DOCK3: variants seen among roughly 807,000 people sequenced by gnomAD.
DOCK3 encodes the protein dedicator of cytokinesis protein 3.
DOCK3 carries 60 observed loss-of-function variants against 265.6 expected under a neutral mutation model. The ratio of observed to expected loss-of-function variants is 0.23; its 90% confidence interval spans 0.18 to 0.28. DOCK3 has a LOEUF of 0.28. Among genes scored for constraint, DOCK3 ranks in the 10% least tolerant of loss-of-function variants. The pLI is 1.00. For missense variants in DOCK3, 1,981 were observed against 2,594.3 expected (o/e 0.76, Z 5.14); for synonymous variants, 881 against 938.0 (o/e 0.94, Z 1.11).
intron 6 of DOCK3, among the ~76,000 whole-genome samples, chr3:51,072,489 A>G (rs1272269039): frequency 6.6e-6 from 1 of 151,992 alleles, no homozygotes; most frequent in African/African-American, 2.4e-5. Context: ...GCTCACTGCA[A>G]CCACCGCCTC....
At chr3:50,763,377 G>A (rs2040651919) in intron 1 of DOCK3, among the ~76,000 whole-genome samples, 1 of 152,074 alleles carries the variant, frequency 6.6e-6, no homozygotes, top group Non-Finnish European at 1.5e-5. Context: ...TGCTTCCCGG[G>A]TTCAAGTGGT....
chr3:50,716,190 T>C (rs2037095297), intron 1 of DOCK3, among the ~76,000 whole-genome samples: 1 of 152,052 alleles, frequency 6.6e-6, no homozygotes, highest in South Asian at 2.1e-4. Flanking sequence ...CTGTGTTCCT[T>C]GCTCTCTGCT....
intron 22 of DOCK3, among the ~76,000 whole-genome samples, chr3:51,248,691 C>T (rs1401679211): frequency 6.6e-6 from 1 of 151,842 alleles, no homozygotes. Context: ...GCCTGGCTGC[C>T]CAGTCTGGAA....
At chr3:51,264,829 A>AAAATAAATAAATAAATAAATAAATAAAT (rs71084138) in intron 23 of DOCK3, among the ~76,000 whole-genome samples, 19 of 142,254 alleles carry the variant, frequency 1.3e-4, no homozygotes, top group South Asian at 6.8e-4. Context: ...TCAGTCTCAA[A>AAAATAAATAAATAAATAAATAAATAAAT]AAATAAATAA....
chr3:51,202,083 A>C (rs1345676155), intron 12 of DOCK3, among the ~76,000 whole-genome samples: 1 of 151,642 alleles, frequency 6.6e-6, no homozygotes, highest in Non-Finnish European at 1.5e-5. Flanking sequence ...AAGATCCAAA[A>C]TTGACACCCT....
At chr3:50,755,116 G>A (rs1476870322) in intron 1 of DOCK3, among the ~76,000 whole-genome samples, 2 of 152,144 alleles carry the variant, frequency 1.3e-5, no homozygotes, top group Non-Finnish European at 2.9e-5. Flanking sequence ...TTGCAACAAC[G>A]TGATCACTGC....
At chr3:51,027,206 G>A (rs577970940) in intron 5 of DOCK3, among the ~76,000 whole-genome samples, 16 of 151,882 alleles carry the variant, frequency 1.1e-4, no homozygotes, top group Middle Eastern at 3.4e-3. Context: ...TGTTTTTTAC[G>A]CAAAAGTTGT....
intron 1 of DOCK3, among the ~76,000 whole-genome samples, chr3:50,734,625 T>C: frequency 1.0e-5 from 1 of 98,034 alleles, no homozygotes; most frequent in East Asian, 3.4e-4. Context: ...TTTTTTGAGA[T>C]GGAGTCTCAC....
At chr3:51,205,230 A>C (rs1015431275) in intron 12 of DOCK3, among the ~76,000 whole-genome samples, 1 of 152,044 alleles carries the variant, frequency 6.6e-6, no homozygotes, top group African/African-American at 2.4e-5. Flanking sequence ...CACATCTATC[A>C]CCACAGTATG....
chr3:50,912,765 T>C (rs1363986898), intron 4 of DOCK3, among the ~76,000 whole-genome samples: 1 of 152,028 alleles, frequency 6.6e-6, no homozygotes, highest in Non-Finnish European at 1.5e-5. Context: ...GCCAGACTAC[T>C]GTTGATGTTC....
At chr3:50,903,905 C>A (rs2049333051) in intron 4 of DOCK3, among the ~76,000 whole-genome samples, 2 of 152,042 alleles carry the variant, frequency 1.3e-5, no homozygotes, top group East Asian at 1.9e-4. Flanking sequence ...CTAATGATAT[C>A]TCTCCCCACT....
chr3:51,350,744 A>G, intron 40 of DOCK3, among the ~76,000 whole-genome samples: 1 of 152,212 alleles, frequency 6.6e-6, no homozygotes, highest in East Asian at 1.9e-4. Flanking sequence ...TCAGCCATAT[A>G]GGGCACCAGT....
Position 51,312,059 on chromosome 3 carries a change from G to C in DOCK3, c.3073G>C (p.Glu1025Gln). ...CTCTGCACTGCACAAGAATTTCACA[G>C]AGACTGACTTTGACTTTAAGGTAGG... Reference protein sequence around the residue: ...LSSALHKNFTETDFDFKVWNS... With the variant: ...LSSALHKNFTQTDFDFKVWNS... Residue 1025 changes from glutamate to glutamine, a missense_variant, in exon 29 of 53, where the codon GAG becomes CAG. This residue lies in a region of DOCK3 where 1,357 missense variants were observed against 1,866.8 expected (regional missense o/e 0.73). Coordinates refer to ENST00000266037, the MANE Select transcript of DOCK3 (RefSeq NM_004947.5). The C allele has an allele frequency of 6.2e-7, 1 of 1,605,476 alleles. No individual in the cohort carries two copies. The highest frequency in any genetic ancestry group is 8.5e-7 in the Non-Finnish European group (1 of 1,175,646).
intron 1 of DOCK3, among the ~76,000 whole-genome samples, chr3:50,734,351 T>C (rs2038427321): frequency 6.6e-6 from 1 of 151,852 alleles, no homozygotes; most frequent in Non-Finnish European, 1.5e-5. Context: ...AAATAAAAAT[T>C]AGCCAGATGT....
At chr3:51,068,116 A>C (rs896938073) in intron 6 of DOCK3, among the ~76,000 whole-genome samples, 11 of 152,220 alleles carry the variant, frequency 7.2e-5, no homozygotes, top group African/African-American at 2.7e-4. Context: ...TCTTACACAG[A>C]CATTATAGCT....
intron 3 of DOCK3, among the ~76,000 whole-genome samples, chr3:50,881,464 G>C (rs887385943): frequency 3.3e-5 from 5 of 152,218 alleles, no homozygotes; most frequent in South Asian, 2.1e-4. Flanking sequence ...AAGCATTCCT[G>C]TACACCAGTA....
chr3:51,216,588 A>G (rs1343939579), intron 14 of DOCK3, among the ~76,000 whole-genome samples: 2 of 152,162 alleles, frequency 1.3e-5, no homozygotes, highest in African/African-American at 4.8e-5. Flanking sequence ...TCTTCCACCC[A>G]TTCTCTTCCT....
At chr3:50,952,090 T>G (rs968468354) in intron 5 of DOCK3, among the ~76,000 whole-genome samples, 1 of 152,208 alleles carries the variant, frequency 6.6e-6, no homozygotes, top group African/African-American at 2.4e-5. Context: ...GCATGTCCTC[T>G]TATATTTGTG....
At chr3:51,118,147 G>T (rs2083829449) in intron 9 of DOCK3, among the ~76,000 whole-genome samples, 1 of 151,990 alleles carries the variant, frequency 6.6e-6, no homozygotes, top group Admixed American at 6.6e-5. Flanking sequence ...CAGAGATTCT[G>T]GTACATTGTA....
Sources: allele counts gnomAD v4.1 joint callset (sites outside exome capture counted in the v4.1 genomes callset), GRCh38; gene constraint gnomAD v4.1.1; regional missense constraint gnomAD v4.1.1; transcripts MANE v1.5; gene names NCBI Gene and HGNC (gene_info 2026-07-23, HGNC 2026-07-21).